The following KAZN variants were observed in gnomAD, a reference collection of about 807,000 sequenced individuals.
The protein encoded by KAZN is kazrin.
In KAZN, 40 loss-of-function variants were observed where a neutral mutation model predicts 87.4. The ratio of observed to expected loss-of-function variants is 0.46; its 90% CI spans 0.36 to 0.60. The LOEUF (loss-of-function observed/expected upper bound fraction) is 0.60, where lower values mean the gene tolerates loss of function less well. Ranked by LOEUF, KAZN falls within the 20% of genes least tolerant of loss-of-function variation. The probability of loss-of-function intolerance (pLI) is 0.00; values close to 1 mark genes in which losing one functional copy is unlikely to be tolerated. For synonymous variants in KAZN, 466 were observed against 458.3 expected (o/e 1.02, Z -0.22); for missense variants, 898 against 1,073.9 (o/e 0.84, Z 2.29).
chr1:14,602,488 G>T (rs780371782), intron 1 of KAZN, among the ~76,000 whole-genome samples: 6 of 152,206 alleles, frequency 3.9e-5, no homozygotes, highest in Non-Finnish European at 7.3e-5. Context: ...GGCTTGGAAA[G>T]AACAGAGCCA....
intron 2 of KAZN, among the ~76,000 whole-genome samples, chr1:14,457,818 T>TG (rs200381191): frequency 6.0e-5 from 9 of 149,018 alleles, no homozygotes; most frequent in African/African-American, 2.2e-4. Context: ...TGTTGTTTTT[T>TG]GTTTTGTTTT....
chr1:15,070,216 T>TCAAGG (rs1639445463), intron 8 of KAZN, among the ~76,000 whole-genome samples: 1 of 152,346 alleles, frequency 6.6e-6, no homozygotes, highest in African/African-American at 2.4e-5. Flanking sequence ...GGGCCTGGTT[T>TCAAGG]CAAGGCCCCT....
intron 2 of KAZN, among the ~76,000 whole-genome samples, chr1:14,556,404 C>T (rs1045285303): frequency 5.9e-5 from 9 of 151,950 alleles, no homozygotes; most frequent in African/African-American, 9.7e-5. Context: ...CCCCCGTGCC[C>T]GGCGGGGGAA....
intron 1 of KAZN, among the ~76,000 whole-genome samples, chr1:14,639,499 A>C (rs1428845072): frequency 6.6e-6 from 1 of 152,202 alleles, no homozygotes; most frequent in South Asian, 2.1e-4. Context: ...GACCATGGCC[A>C]TAGACCTGTT....
At chr1:14,123,885 T>C (rs980791318) in intron 1 of KAZN, among the ~76,000 whole-genome samples, 3 of 152,048 alleles carry the variant, frequency 2.0e-5, no homozygotes, top group African/African-American at 7.2e-5. Context: ...GCCACCCTCT[T>C]TTGGGGCCTT....
chr1:14,631,688 G>A (rs1202717683), intron 1 of KAZN, among the ~76,000 whole-genome samples: 1 of 152,240 alleles, frequency 6.6e-6, no homozygotes, highest in Non-Finnish European at 1.5e-5. Flanking sequence ...GCTGGAGAGA[G>A]GGCGGGAGCA....
At chr1:14,867,456 C>A (rs1651596069) in intron 1 of KAZN, among the ~76,000 whole-genome samples, 1 of 152,152 alleles carries the variant, frequency 6.6e-6, no homozygotes, top group African/African-American at 2.4e-5. Flanking sequence ...CCGTTGGGTT[C>A]AGGGATGGTG....
intron 1 of KAZN, among the ~76,000 whole-genome samples, chr1:14,661,140 C>A (rs575374209): frequency 1.3e-4 from 20 of 152,214 alleles, no homozygotes; most frequent in African/African-American, 4.8e-4. Flanking sequence ...TGCTCTTCTC[C>A]CCATTTGTAG....
chr1:14,594,882 T>C (rs1448835829), upstream of KAZN, among the ~76,000 whole-genome samples: 1 of 152,148 alleles, frequency 6.6e-6, no homozygotes, highest in Non-Finnish European at 1.5e-5. Context: ...ACCAAGGCAC[T>C]TAGAACTGCT....
rs1640965571 is a variant in KAZN, at chr1:15,099,712, CAGGGGAGT to C, written c.1548-1830_1548-1823del. On this transcript the variant is annotated intron_variant, in intron 10 of 14. Transcript: ENST00000376030. The surrounding 1 kb of genome is among the most constrained non-coding windows in gnomAD (Gnocchi z 5.4). The stretch of plus-strand genomic sequence containing the variant: ...CAAAGAGAAGCCACAGAGTGTTGAG[CAGGGGAGT>C]GCACGGTCACACTGACATTTTAAAA... Among the ~76,000 whole-genome samples, 2 of 152,138 alleles carry C rather than the reference CAGGGGAGT, an allele frequency of 1.3e-5. No homozygotes were observed. Among genetic ancestry groups the C allele is most frequent in the African/African-American group, 4.8e-5 (2 of 41,426 alleles).
intron 1 of KAZN, among the ~76,000 whole-genome samples, chr1:14,095,264 C>G (rs1570726120): frequency 6.6e-6 from 1 of 152,186 alleles, no homozygotes; most frequent in African/African-American, 2.4e-5. Flanking sequence ...TCACTCTCAT[C>G]TAGGTATATG....
At chr1:15,114,213 C>T (rs150522748) in intron 14 of KAZN, 125 of 397,664 alleles carry the variant, frequency 3.1e-4, no homozygotes, top group African/African-American at 2.3e-3. Flanking sequence ...ATCAGACTAA[C>T]GATATTTGTC....
chr1:14,504,902 T>G (rs1401542563), intron 2 of KAZN, among the ~76,000 whole-genome samples: 2 of 152,190 alleles, frequency 1.3e-5, no homozygotes, highest in African/African-American at 4.8e-5. Context: ...TGATAGAACA[T>G]GACTTGAACT....
At chr1:13,956,445 C>T (rs895509995) in intron 1 of KAZN, among the ~76,000 whole-genome samples, 3 of 151,528 alleles carry the variant, frequency 2.0e-5, no homozygotes, top group African/African-American at 4.9e-5. Context: ...CCTGCCTGTT[C>T]CTGACCAATG....
chr1:15,107,168 C>T (rs1325086420), intron 13 of KAZN, among the ~76,000 whole-genome samples: 1 of 152,142 alleles, frequency 6.6e-6, no homozygotes, highest in African/African-American at 2.4e-5. Context: ...CCATAAAAGC[C>T]ACCCTCCACA....
At chr1:14,867,197 C>T (rs1198079169) in intron 1 of KAZN, among the ~76,000 whole-genome samples, 1 of 152,204 alleles carries the variant, frequency 6.6e-6, no homozygotes, top group Non-Finnish European at 1.5e-5. Flanking sequence ...ATCAATGGAG[C>T]GTGGAGGCCT....
intron 1 of KAZN, among the ~76,000 whole-genome samples, chr1:14,625,462 G>C (rs1679066059): frequency 6.6e-6 from 1 of 152,088 alleles, no homozygotes; most frequent in Non-Finnish European, 1.5e-5. Flanking sequence ...TAAAAGCAGA[G>C]GACCAAAGGA....
chr1:14,355,057 G>A (rs1051246676), intron 2 of KAZN, among the ~76,000 whole-genome samples: 3 of 152,054 alleles, frequency 2.0e-5, no homozygotes, highest in Non-Finnish European at 2.9e-5. Context: ...ACAAGGATGA[G>A]TATCAAAAAC....
intron 1 of KAZN, among the ~76,000 whole-genome samples, chr1:14,009,364 AT>A (rs370819566): frequency 0.015 from 2,315 of 152,100 alleles, 62 homozygotes; most frequent in African/African-American, 0.054. Flanking sequence ...TCTATTTTTA[AT>A]TTTTTTGAAA....
Sources: gnomAD v4.1 joint callset for allele counts (sites outside exome capture counted in the v4.1 genomes callset) on GRCh38, gnomAD v4.1.1 for gene constraint, Gnocchi (gnomAD v3.1) non-coding constraint, MANE v1.5 for transcripts, NCBI Gene and HGNC (gene_info 2026-07-23, HGNC 2026-07-21) for gene names.